Variants in LARP4B observed in about 807,000 individuals in gnomAD.
LARP4B encodes La ribonucleoprotein 4B.
LARP4B carries 12 observed loss-of-function variants against 89.8 expected under a neutral mutation model. The ratio of observed to expected loss-of-function variants is 0.13; its 90% CI spans 0.09 to 0.22. LARP4B has a LOEUF of 0.22. Among genes scored for constraint, LARP4B ranks in the 10% least tolerant of loss-of-function variants. The probability of loss-of-function intolerance (pLI) is 1.00; values close to 1 mark genes in which losing one functional copy is unlikely to be tolerated. For synonymous variants in LARP4B, 367 were observed against 363.3 expected (o/e 1.01, Z -0.12); for missense variants, 757 against 947.7 (o/e 0.80, Z 2.64).
At chr10:909,186 C>T (rs1201101811) in intron 1 of LARP4B, among the ~76,000 whole-genome samples, 4 of 148,672 alleles carry the variant, frequency 2.7e-5, no homozygotes, top group Admixed American at 6.8e-5. Flanking sequence ...CCCAGCTACT[C>T]GGGAGGCTGA....
intron 1 of LARP4B, among the ~76,000 whole-genome samples, chr10:927,344 T>G (rs1370384166): frequency 3.9e-5 from 6 of 152,172 alleles, no homozygotes; most frequent in Non-Finnish European, 5.9e-5. Context: ...ATTTTCCTTG[T>G]TCCTAAGGAA....
intron 5 of LARP4B, among the ~76,000 whole-genome samples, chr10:847,035 C>T (rs917133694): frequency 6.6e-6 from 1 of 152,022 alleles, no homozygotes; most frequent in Admixed American, 6.6e-5. Context: ...TTAAAGAGCT[C>T]GACAAATGCT....
At chr10:939,212 G>A in the LARP4B span, among the ~76,000 whole-genome samples, 1 of 152,226 alleles carries the variant, frequency 6.6e-6, no homozygotes, top group African/African-American at 2.4e-5. Context: ...CTGCAGTGGA[G>A]TTGAATGAAG....
chr10:816,155 G>A (rs1320239927), intron 15 of LARP4B, among the ~76,000 whole-genome samples: 1 of 152,264 alleles, frequency 6.6e-6, no homozygotes, highest in Non-Finnish European at 1.5e-5. Context: ...CTGGAACCCA[G>A]GAGGCGGAGG....
chr10:880,183 G>T (rs550649628), intron 3 of LARP4B, among the ~76,000 whole-genome samples: 1 of 152,168 alleles, frequency 6.6e-6, no homozygotes, highest in Non-Finnish European at 1.5e-5. Flanking sequence ...TACAAATACA[G>T]GAGTTGGATA....
chr10:867,000 T>C (rs1486620172), intron 3 of LARP4B, among the ~76,000 whole-genome samples: 2 of 152,194 alleles, frequency 1.3e-5, no homozygotes, highest in Non-Finnish European at 2.9e-5. Flanking sequence ...GCTCAAGATA[T>C]ATGAGGAATG....
chr10:895,658 G>A (rs1234513624), intron 1 of LARP4B, among the ~76,000 whole-genome samples: 1 of 143,926 alleles, frequency 6.9e-6, no homozygotes, highest in African/African-American at 2.6e-5. Context: ...GGGCAACAGA[G>A]CAAGAGTCCA....
the LARP4B span, among the ~76,000 whole-genome samples, chr10:976,616 T>C: frequency 6.8e-6 from 1 of 146,758 alleles, no homozygotes; most frequent in South Asian, 2.2e-4. Flanking sequence ...CCCGGCTTAG[T>C]AGAATGTAGG....
At chr10:927,225 A>T in intron 1 of LARP4B, among the ~76,000 whole-genome samples, 1 of 152,136 alleles carries the variant, frequency 6.6e-6, no homozygotes, top group Non-Finnish European at 1.5e-5. Flanking sequence ...CAGAAAAACT[A>T]TGAGAAGACA....
chr10:896,819 C>A (rs1836202476), intron 1 of LARP4B, among the ~76,000 whole-genome samples: 1 of 152,128 alleles, frequency 6.6e-6, no homozygotes, highest in Admixed American at 6.5e-5. Context: ...AAACCCAGTT[C>A]TCAAGGACAG....
At chr10:968,809 G>A in the LARP4B span, among the ~76,000 whole-genome samples, 6 of 152,242 alleles carry the variant, frequency 3.9e-5, no homozygotes, top group South Asian at 2.1e-4. Flanking sequence ...GGCTTCCTGC[G>A]CGACAGCAAG....
intron 3 of LARP4B, among the ~76,000 whole-genome samples, chr10:875,547 C>T (rs531409747): frequency 6.6e-6 from 1 of 152,334 alleles, no homozygotes; most frequent in Non-Finnish European, 1.5e-5. Context: ...CCATTCTGTG[C>T]TGCTCTAACA....
chr10:974,699 A>AG, the LARP4B span, among the ~76,000 whole-genome samples: 2 of 152,198 alleles, frequency 1.3e-5, no homozygotes, highest in African/African-American at 4.8e-5. Context: ...CCAGACTGTA[A>AG]TCGGTTCTGT....
At chr10:851,067 G>C (rs535214711) in intron 5 of LARP4B, among the ~76,000 whole-genome samples, 1 of 151,474 alleles carries the variant, frequency 6.6e-6, no homozygotes, top group African/African-American at 2.4e-5. Flanking sequence ...ACAGAAGAAA[G>C]GGTAAATTAA....
At chr10:887,772 C>T (rs1219442129) in intron 1 of LARP4B, among the ~76,000 whole-genome samples, 1 of 151,900 alleles carries the variant, frequency 6.6e-6, no homozygotes, top group South Asian at 2.1e-4. Context: ...ACCTATAATT[C>T]CAGCACTCTG....
intron 1 of LARP4B, among the ~76,000 whole-genome samples, chr10:909,576 C>T (rs1224562995): frequency 3.3e-5 from 5 of 151,840 alleles, no homozygotes; most frequent in African/African-American, 1.2e-4. Flanking sequence ...CCTGAGGGCA[C>T]GAGTTTGAGA....
At chr10:844,087 G>A (rs1432127646) in intron 6 of LARP4B, among the ~76,000 whole-genome samples, 1 of 152,190 alleles carries the variant, frequency 6.6e-6, no homozygotes, top group African/African-American at 2.4e-5. Context: ...AGTGTCCCTC[G>A]GTGAAGGCCC....
chr10:862,971 C>A (rs911741890), intron 5 of LARP4B, among the ~76,000 whole-genome samples: 1 of 152,142 alleles, frequency 6.6e-6, no homozygotes, highest in Admixed American at 6.5e-5. Context: ...GCCATTCTTT[C>A]ACACTCCTGC....
rs9124 is a variant in LARP4B at position 812,082 on chromosome 10, C to T, written c.*844G>A. ...TCTCCAACCAGAGTGCTGGGGAACA[C>T]GGACAGAAATGTGCACAGAGCAGGG... On this transcript the variant is annotated 3_prime_UTR_variant, in exon 18 of 18. Transcript: ENST00000316157. 35,297 of 152,530 alleles carry T rather than the reference C, an allele frequency of 0.23. 4,796 individuals are homozygous for T. The highest frequency in any genetic ancestry group is 0.41 in the South Asian group (1,968 of 4,810). 9.4% of individuals were successfully genotyped at this position (152,530 alleles called of 1,614,324 possible).
Sources: gnomAD v4.1 joint callset for allele counts (sites outside exome capture counted in the v4.1 genomes callset) on GRCh38, gnomAD v4.1.1 for gene constraint, MANE v1.5 for transcripts, NCBI Gene and HGNC (gene_info 2026-07-23, HGNC 2026-07-21) for gene names.